The following DCAF12 variants were observed in gnomAD, a reference collection of about 807,000 sequenced individuals.
DCAF12 encodes the protein DDB1- and CUL4-associated factor 12.
A neutral mutation model predicts 52.8 loss-of-function variants in DCAF12; 28 were observed. That is an observed-to-expected ratio of 0.53 (90% confidence interval 0.39 to 0.73). The LOEUF (loss-of-function observed/expected upper bound fraction) is 0.73, where lower values mean the gene tolerates loss of function less well. Ranked by LOEUF, DCAF12 falls within the 30% of genes least tolerant of loss-of-function variation. DCAF12 has a pLI of 0.00. For missense variants in DCAF12, 425 were observed against 552.2 expected (o/e 0.77, Z 2.31); for synonymous variants, 196 against 215.5 (o/e 0.91, Z 0.79).
At chr9:34,088,896 G>C (rs1328887442) in intron 8 of DCAF12, among the ~76,000 whole-genome samples, 1 of 151,998 alleles carries the variant, frequency 6.6e-6, no homozygotes, top group African/African-American at 2.4e-5. Flanking sequence ...AATCACTTGA[G>C]CCCAGGAGTT....
At position 34,093,353 on chromosome 9, in the gene DCAF12, G is replaced by T. The variant is rs1828679250; in HGVS notation, c.957C>A (p.Val319=). The stretch of plus-strand genomic sequence containing the variant: ...ATGGCTGCCGTGGATCCAAGAAGGA[G>T]ACATGAGCTTGGGAGCCCACTGCAT... ...SVYAVGSQAH[V]SFLDPRQPSY... The change falls in exon 7 of 9, where the codon GTC becomes GTA. Residue 319 remains valine (V), a synonymous_variant. Coordinates refer to ENST00000361264, the MANE Select transcript of DCAF12 (RefSeq NM_015397.4). 6.2e-7 allele frequency: 1 copy of T among 1,614,136 alleles called. No homozygotes were observed. Among genetic ancestry groups the T allele is most frequent in the South Asian group, 1.1e-5 (1 of 91,092 alleles).
intron 4 of DCAF12, among the ~76,000 whole-genome samples, chr9:34,100,669 A>ATTTT (rs554051217): frequency 7.4e-6 from 1 of 135,930 alleles, no homozygotes. Context: ...TAATTTTTGC[A>ATTTT]TTTTTTTTTT....
intron 4 of DCAF12, among the ~76,000 whole-genome samples, chr9:34,100,111 T>G (rs1828803116): frequency 6.6e-6 from 1 of 151,682 alleles, no homozygotes; most frequent in East Asian, 1.9e-4. Context: ...CATAGCTCAC[T>G]GCAGGCTCAA....
At chr9:34,106,642 A>C in intron 3 of DCAF12, 148 bp from the exon 4 acceptor site, 1 of 621,820 alleles carries the variant, frequency 1.6e-6, no homozygotes, top group Non-Finnish European at 2.8e-6. Context: ...GTCTCAACCC[A>C]CAGAGAATGA....
At chr9:34,123,887 G>A (rs756792182) in intron 2 of DCAF12, among the ~76,000 whole-genome samples, 2 of 151,946 alleles carry the variant, frequency 1.3e-5, no homozygotes, top group Non-Finnish European at 2.9e-5. Context: ...GTGGAGGCCC[G>A]TTGCCACCAC....
chr9:34,108,812 A>ATATATATATAT (rs377504137), intron 2 of DCAF12, among the ~76,000 whole-genome samples: 20 of 139,312 alleles, frequency 1.4e-4, no homozygotes, highest in Middle Eastern at 3.8e-3. Flanking sequence ...TAAATAAATA[A>ATATATATATAT]ATATATATAT....
intron 6 of DCAF12, among the ~76,000 whole-genome samples, chr9:34,095,372 CTTTTTTT>C (rs36066422): frequency 1.3e-5 from 1 of 78,166 alleles, no homozygotes. Flanking sequence ...CGCGCCAGGC[CTTTTTTT>C]TTTTTTTTTT....
intron 2 of DCAF12, among the ~76,000 whole-genome samples, chr9:34,116,094 T>G (rs1829084124): frequency 6.6e-6 from 1 of 152,168 alleles, no homozygotes; most frequent in South Asian, 2.1e-4. Context: ...CTGGGTGCGG[T>G]GGCTCACGCC....
chr9:34,115,058 G>A (rs1056767323), intron 2 of DCAF12, among the ~76,000 whole-genome samples: 7 of 152,130 alleles, frequency 4.6e-5, no homozygotes, highest in African/African-American at 7.2e-5. Context: ...GGAGCCCAAT[G>A]AGAAAGGAAA....
At chr9:34,107,624 ATAAACATCCT>A (rs1375422385) in intron 2 of DCAF12, 59 bp from the exon 3 acceptor site, 1 of 1,422,768 alleles carries the variant, frequency 7.0e-7, no homozygotes, top group Non-Finnish European at 9.9e-7. Flanking sequence ...AATACAGGGT[ATAAACATCCT>A]TTTGTTCAAC....
At chr9:34,099,130 C>T (rs1350956314) in intron 4 of DCAF12, among the ~76,000 whole-genome samples, 2 of 151,712 alleles carry the variant, frequency 1.3e-5, no homozygotes, top group African/African-American at 2.4e-5. Flanking sequence ...TGCAGTGGCA[C>T]GATCTTGGCT....
chr9:34,103,960 T>C (rs945701652), intron 4 of DCAF12, among the ~76,000 whole-genome samples: 1 of 152,148 alleles, frequency 6.6e-6, no homozygotes, highest in Admixed American at 6.6e-5. Context: ...GCTAATCTCC[T>C]GAACACTTCA....
chr9:34,113,696 C>T (rs555126353), intron 2 of DCAF12, among the ~76,000 whole-genome samples: 1 of 152,280 alleles, frequency 6.6e-6, no homozygotes, highest in South Asian at 2.1e-4. Context: ...ATTCCCAGGC[C>T]TTACCCTAAA....
Position 34,093,306 on chromosome 9 carries a change from C to G in DCAF12, c.1004G>C (p.Cys335Ser). The change falls in exon 7 of 9, where the codon TGT (cysteine) becomes TCT (serine). Residue 335 changes from cysteine to serine, a missense_variant. Physicochemically the swap from Cys to Ser is moderately radical, Grantham distance 112. This residue lies in a region of DCAF12 where 328 missense variants were observed against 444.4 expected (regional missense o/e 0.74). Transcript: ENST00000361264. ...RQPSYNVKSV[C>S]SRERGSGIRS... ...CTTACCACTGCCTCGCTCCCTGGAA[C>G]AGACAGACTTGACGTTGTATGATGG... 1 of 1,614,216 alleles carries G rather than the reference C, an allele frequency of 6.2e-7. No homozygotes were observed. Among genetic ancestry groups the G allele is most frequent in the Non-Finnish European group, 8.5e-7 (1 of 1,180,028 alleles).
intron 2 of DCAF12, among the ~76,000 whole-genome samples, chr9:34,112,338 G>A (rs931084169): frequency 1.3e-5 from 2 of 152,192 alleles, no homozygotes; most frequent in Admixed American, 6.6e-5. Flanking sequence ...GTTCACGCCT[G>A]TAATCCCAGT....
At chr9:34,121,115 C>G (rs969016478) in intron 2 of DCAF12, among the ~76,000 whole-genome samples, 7 of 152,126 alleles carry the variant, frequency 4.6e-5, no homozygotes, top group Non-Finnish European at 8.8e-5. Flanking sequence ...GATCATGCCA[C>G]TGTACTCCAG....
rs1828573877 is a variant in DCAF12, at chr9:34,087,346, A to T, written c.*1004T>A. ...GGAGATTGGAAGAATGGCAGAGAGG[A>T]TTCTCCTCAAAGCCATGGGGGCTAT... On this transcript the variant is annotated 3_prime_UTR_variant, in exon 9 of 9. Transcript: ENST00000361264. The T allele has an allele frequency of 2.0e-5, 3 of 152,260 alleles. 1 individual carries two copies. The South Asian group carries it at 6.2e-4, about 32-fold the overall frequency. The allele number at this position is 152,260 out of a possible 1,614,324, so 9.4% of individuals were successfully genotyped here.
At position 34,086,880 on chromosome 9, in the gene DCAF12, G is replaced by A. The variant is rs971517014; in HGVS notation, c.*1470C>T. ...GGAGAACAAGTTAAAAAACTGGGGT[G>A]CAGGAATAAATATGACTTTTCCTTT... is the stretch of plus-strand genomic sequence containing the variant. On this transcript the variant is annotated 3_prime_UTR_variant, in exon 9 of 9. Transcript: ENST00000361264. The A allele has an allele frequency of 2.6e-4, 40 of 152,200 alleles. No homozygotes were observed. Among genetic ancestry groups the A allele is most frequent in the Admixed American group, 2.6e-3 (39 of 15,262 alleles). 9.4% of individuals were successfully genotyped at this position (152,200 alleles called of 1,614,324 possible). A position where few individuals can be genotyped will look rare whatever the true frequency, so the allele number is the denominator to read the frequency against.
chr9:34,115,824 C>A (rs945106912), intron 2 of DCAF12, among the ~76,000 whole-genome samples: 1 of 152,196 alleles, frequency 6.6e-6, no homozygotes, highest in Middle Eastern at 3.4e-3. Context: ...GCAATCCTCC[C>A]GCCTTAGTCT....
Sources: allele counts gnomAD v4.1 joint callset (sites outside exome capture counted in the v4.1 genomes callset), GRCh38; gene constraint gnomAD v4.1.1; regional missense constraint gnomAD v4.1.1; transcripts MANE v1.5; gene names NCBI Gene and HGNC (gene_info 2026-07-23, HGNC 2026-07-21).